Variants in IL1A observed in about 807,000 individuals in gnomAD.
IL1A encodes interleukin 1 alpha.
IL1A carries 16 observed loss-of-function variants against 22.2 expected under a neutral mutation model. That is an observed-to-expected ratio of 0.72 (90% CI 0.49 to 1.09). The LOEUF (loss-of-function observed/expected upper bound fraction) is 1.09. Among genes scored for constraint, IL1A ranks in the 50% least tolerant of loss-of-function variants. The pLI is 0.00. For missense variants in IL1A, 317 were observed against 321.8 expected, an observed-to-expected ratio of 0.99 and a Z score of 0.11; for synonymous variants, 113 against 118.5, an observed-to-expected ratio of 0.95 and a Z score of 0.30.
chr2:112,779,541 C>T lies in IL1A; in HGVS notation c.445G>A (p.Asp149Asn). The T allele has an allele frequency of 6.2e-7, 1 of 1,609,320 alleles. No individual in the cohort carries two copies. Among genetic ancestry groups the T allele is most frequent in the Non-Finnish European group, 8.5e-7 (1 of 1,176,414 alleles). ...ALNQSIIRAN[D>N]QYLTAAALHN... ...AATGCAGCAGCCGTGAGGTACTGAT[C>T]ATTGGCTCGAATTATACTTTGATTG... Residue 149 changes from aspartate to asparagine, a missense_variant, in exon 5 of 7, where the codon GAT (aspartate) becomes AAT (asparagine). Transcript: ENST00000263339.
At position 112,775,031 on chromosome 2, in the gene IL1A, C is replaced by A; in HGVS notation, c.*36G>T. ...CATGTACATGGTACATATGAACTGT[C>A]AACACTGCACAAGTGAGACAAGTGA... On this transcript the variant is annotated 3_prime_UTR_variant, in exon 7 of 7. Coordinates refer to ENST00000263339, the MANE Select transcript of IL1A (RefSeq NM_000575.5). 1 of 1,544,598 alleles carries A rather than the reference C, an allele frequency of 6.5e-7. No homozygotes were observed. Among genetic ancestry groups the A allele is most frequent in the South Asian group, 1.1e-5 (1 of 89,166 alleles).
In IL1A at chr2:112,775,000, C is replaced by T; in HGVS notation, c.*67G>A. The stretch of plus-strand genomic sequence containing the variant: ...AAATGACTAACAGTAAAGGATTTAG[C>T]TTCTTCATGTACATGGTACATATGA... On this transcript the variant is annotated 3_prime_UTR_variant, in exon 7 of 7. Coordinates refer to ENST00000263339, the MANE Select transcript of IL1A (RefSeq NM_000575.5). The T allele has an allele frequency of 8.0e-7, 1 of 1,255,792 alleles. No homozygotes were observed. Among genetic ancestry groups the T allele is most frequent in the South Asian group, 1.2e-5 (1 of 81,212 alleles). The allele number at this position is 1,255,792 out of a possible 1,614,324, so 77.8% of individuals were successfully genotyped here. A position where few individuals can be genotyped will look rare whatever the true frequency, so the allele number is the denominator to read the frequency against.
chr2:112,780,522 A>G (rs1025263804), intron 4 of IL1A, among the ~76,000 whole-genome samples: 1 of 152,234 alleles, frequency 6.6e-6, no homozygotes, highest in Non-Finnish European at 1.5e-5. Context: ...AAAGGGATGG[A>G]GGAGAAACCA....
At position 112,774,874 on chromosome 2, in the gene IL1A, G is replaced by C; in HGVS notation, c.*193C>G. 7.2e-6 allele frequency: 4 copies of C among 559,234 alleles called. No homozygotes were observed. The highest frequency in any genetic ancestry group is 1.3e-5 in the Non-Finnish European group (4 of 311,954). 34.6% of individuals were successfully genotyped at this position (559,234 alleles called of 1,614,324 possible). On this transcript the variant is annotated 3_prime_UTR_variant, in exon 7 of 7. Transcript: ENST00000263339. ...AATGATTGGTACTATGCAAAATATAGGGTGTTCTTTAAATAACAACATTAT... is the reference window on the plus strand; with the variant it reads ...AATGATTGGTACTATGCAAAATATACGGTGTTCTTTAAATAACAACATTAT...
intron 2 of IL1A, among the ~76,000 whole-genome samples, 189 bp from the exon 3 acceptor site, chr2:112,782,953 G>A (rs1186361442): frequency 6.6e-6 from 1 of 152,188 alleles, no homozygotes; most frequent in East Asian, 1.9e-4. Context: ...TCTGGAATTA[G>A]TAGTCATCAA....
intron 3 of IL1A, among the ~76,000 whole-genome samples, chr2:112,782,283 G>T (rs1381645283): frequency 6.6e-6 from 1 of 152,208 alleles, no homozygotes; most frequent in African/African-American, 2.4e-5. Context: ...TTGATGAGTG[G>T]CTGTAGACTT....
chr2:112,782,669 A>G lies in IL1A; in HGVS notation c.96+47T>C, dbSNP rs369268842. The G allele has an allele frequency of 5.1e-5, 69 of 1,356,496 alleles. 1 individual carries two copies. The South Asian group carries it at 8.0e-4, about 16-fold the overall frequency. 84.0% of individuals were successfully genotyped at this position (1,356,496 alleles called of 1,614,324 possible). ...GCTGTTCTCTTTGGATGAAGAAACC[A>G]CTGTGTAAGAATAGCAGTCCCATGA... On this transcript the variant is annotated intron_variant, in intron 3 of 6. Coordinates refer to ENST00000263339, the MANE Select transcript of IL1A (RefSeq NM_000575.5).
chr2:112,780,914 GGAGGCT>G (rs1399148279), intron 4 of IL1A, among the ~76,000 whole-genome samples: 1 of 151,836 alleles, frequency 6.6e-6, no homozygotes, highest in Admixed American at 6.6e-5. Context: ...CAGCTACTCA[GGAGGCT>G]GAGGCAGGAG....
chr2:112,777,841 A>T, intron 6 of IL1A, 146 bp downstream of exon 6: 1 of 735,246 alleles, frequency 1.4e-6, no homozygotes. Context: ...CGCCTCTGGA[A>T]TCAATGGGAG....
At chr2:112,777,855 G>A (rs1321171333) in intron 6 of IL1A, 132 bp downstream of exon 6, 1 of 819,192 alleles carries the variant, frequency 1.2e-6, no homozygotes, top group Non-Finnish European at 2.0e-6. Flanking sequence ...ATGGGAGTGG[G>A]GTGGGCAGGT....
intron 4 of IL1A, among the ~76,000 whole-genome samples, chr2:112,780,453 A>G (rs1013190333): frequency 1.3e-5 from 2 of 152,196 alleles, no homozygotes; most frequent in Non-Finnish European, 2.9e-5. Context: ...GTTATTGCTT[A>G]GGTATTATCT....
At chr2:112,779,045 A>G (rs2104907990) in intron 5 of IL1A, among the ~76,000 whole-genome samples, 1 of 152,340 alleles carries the variant, frequency 6.6e-6, no homozygotes, top group South Asian at 2.1e-4. Flanking sequence ...CCTCACAAAT[A>G]TGTTATCAGA....
At chr2:112,778,191 A>C in intron 5 of IL1A, 80 bp from the exon 6 acceptor site, 5 of 780,038 alleles carry the variant, frequency 6.4e-6, no homozygotes, top group South Asian at 1.6e-5. Context: ...TTGTGTGTGC[A>C]TGGTGTGTGT....
chr2:112,778,234 A>G (rs1442582065), intron 5 of IL1A, 123 bp from the exon 6 acceptor site: 3 of 586,786 alleles, frequency 5.1e-6, no homozygotes, highest in Admixed American at 3.4e-5. Flanking sequence ...GTGTGTGTGT[A>G]GTTAGGTCCC....
rs755914640 is a variant in IL1A at position 112,778,122 on chromosome 2, G to A, written c.491-11C>T. 2.1e-5 allele frequency: 34 copies of A among 1,609,618 alleles called. No individual in the cohort carries two copies. The Admixed American group carries it at 3.5e-4, about 17-fold the overall frequency. On this transcript the variant is annotated splice_polypyrimidine_tract_variant and intron_variant, in intron 5 of 6. Coordinates refer to ENST00000263339, the MANE Select transcript of IL1A (RefSeq NM_000575.5). ...CCATGTCAAATTTCACTGGTGAAGA[G>A]AAGAACCAAAAAGAAAGTAAATTCA...
At chr2:112,778,751 C>T (rs1681143996) in intron 5 of IL1A, among the ~76,000 whole-genome samples, 1 of 152,138 alleles carries the variant, frequency 6.6e-6, no homozygotes, top group African/African-American at 2.4e-5. Flanking sequence ...ATGGCAAATA[C>T]ATACACGATG....
At position 112,774,659 on chromosome 2, in the gene IL1A, T is replaced by C. The variant is rs1304037; in HGVS notation, c.*408A>G. On this transcript the variant is annotated 3_prime_UTR_variant, in exon 7 of 7. Transcript: ENST00000263339. ...TAAGAGTTCATCAGCAACTTAAAAG[T>C]AGAAGGCAAACAGTTGAAATGAAAT... is the stretch of plus-strand genomic sequence containing the variant. 0.31 allele frequency: 49,518 copies of C among 157,704 alleles called. 8,122 individuals carry two copies. Among genetic ancestry groups the C allele is most frequent in the African/African-American group, 0.39 (16,048 of 41,446 alleles). The allele number at this position is 157,704 out of a possible 1,614,324, so 9.8% of individuals were successfully genotyped here. A position where few individuals can be genotyped will look rare whatever the true frequency, so the allele number is the denominator to read the frequency against.
At chr2:112,777,933 T>C in intron 6 of IL1A, 54 bp downstream of exon 6, 2 of 1,597,738 alleles carry the variant, frequency 1.3e-6, no homozygotes, top group Non-Finnish European at 1.7e-6. Flanking sequence ...TTGGGCTTAT[T>C]TACAAACATA....
Position 112,782,752 on chromosome 2 carries a change from T to C in IL1A, c.60A>G (p.Glu20=), listed in dbSNP as rs753581927. The change falls in exon 3 of 7, where the codon GAA becomes GAG. Residue 20 remains glutamate (E), a synonymous_variant. Transcript: ENST00000263339. ...ACAGATGATCAATGGAGGAACTGTCTTCTTCATTTTCACTGTCAAAATAAG... is the reference window on the plus strand; with the variant it reads ...ACAGATGATCAATGGAGGAACTGTCCTCTTCATTTTCACTGTCAAAATAAG... ...DLKNCYSENE[E]DSSSIDHLSL... 5 of 1,608,038 alleles carry C rather than the reference T, an allele frequency of 3.1e-6. No individual in the cohort carries two copies. The South Asian group carries it at 3.3e-5, about 11-fold the overall frequency.
Sources: allele counts gnomAD v4.1 joint callset (sites outside exome capture counted in the v4.1 genomes callset), GRCh38; gene constraint gnomAD v4.1.1; transcripts MANE v1.5; gene names NCBI Gene and HGNC (gene_info 2026-07-23, HGNC 2026-07-21).